The following ITGB3BP variants were observed in gnomAD, a reference collection of about 807,000 sequenced individuals.
ITGB3BP encodes the protein integrin subunit beta 3 binding protein.
ITGB3BP carries 27 observed loss-of-function variants against 29.1 expected under a neutral mutation model. The observed-to-expected ratio is 0.93, with a 90% CI of 0.68 to 1.28. ITGB3BP has a LOEUF of 1.28. ITGB3BP is among the 50% of genes most tolerant of loss of function. ITGB3BP has a pLI of 0.00. For missense variants in ITGB3BP, 192 were observed against 200.2 expected (o/e 0.96, Z 0.25); for synonymous variants, 61 against 61.4 (o/e 0.99, Z 0.03).
In ITGB3BP at chr1:63,504,983, G is replaced by T. The variant is rs1646038335; in HGVS notation, c.48+3545C>A. On this transcript the variant is annotated intron_variant, in intron 2 of 8. Transcript: ENST00000271002. ...TGGTCTAAAATTCTCTTTTTTTGCT[G>T]TGTCTCTGCCAGGCTTTGGTATCAG... 2.0e-5 allele frequency among the ~76,000 whole-genome samples: 3 copies of T among 152,060 alleles called. No homozygotes were observed. The South Asian group carries it at 6.2e-4, about 31-fold the overall frequency.
chr1:63,469,281 A>G (rs1570170711), intron 4 of ITGB3BP, among the ~76,000 whole-genome samples: 1 of 152,018 alleles, frequency 6.6e-6, no homozygotes, highest in Non-Finnish European at 1.5e-5. Context: ...TAAGATGAAG[A>G]TATCTCCTTT....
chr1:63,453,687 A>T (rs1644892061), intron 7 of ITGB3BP: 1 of 345,072 alleles, frequency 2.9e-6, no homozygotes, highest in South Asian at 8.2e-5. Context: ...TTCAAAAGAC[A>T]TTTAAAAAGT....
At chr1:63,493,747 A>G (rs1194258568) in intron 2 of ITGB3BP, among the ~76,000 whole-genome samples, 2 of 152,180 alleles carry the variant, frequency 1.3e-5, no homozygotes, top group East Asian at 1.9e-4. Flanking sequence ...TAAAGCATAC[A>G]CTACCAAAAA....
chr1:63,515,645 G>A (rs1646299172), intron 1 of ITGB3BP, among the ~76,000 whole-genome samples: 1 of 151,650 alleles, frequency 6.6e-6, no homozygotes. Context: ...GATCAATATG[G>A]TGAAACCCCA....
chr1:63,513,286 A>G (rs761613310), intron 1 of ITGB3BP, among the ~76,000 whole-genome samples: 1 of 152,178 alleles, frequency 6.6e-6, no homozygotes, highest in Non-Finnish European at 1.5e-5. Flanking sequence ...ACAGTGTCAC[A>G]GATTTTTATG....
intron 2 of ITGB3BP, among the ~76,000 whole-genome samples, chr1:63,507,757 G>T (rs947753178): frequency 2.6e-5 from 4 of 152,114 alleles, no homozygotes; most frequent in Admixed American, 2.6e-4. Context: ...GTCTTCCAAA[G>T]AAAAATTCCA....
intron 4 of ITGB3BP, among the ~76,000 whole-genome samples, chr1:63,472,443 T>TCCCTCTC (rs139724962): frequency 0.026 from 2,331 of 90,136 alleles, 143 homozygotes; most frequent in African/African-American, 0.1. Flanking sequence ...CCTCTCCCTC[T>TCCCTCTC]CCCTCTCCCC....
chr1:63,522,929 C>T, intron 1 of ITGB3BP, 200 bp downstream of exon 1: 1 of 763,292 alleles, frequency 1.3e-6, no homozygotes, highest in South Asian at 1.4e-5. Flanking sequence ...AAACAGAAAG[C>T]GAAGGAGGAC....
intron 4 of ITGB3BP, among the ~76,000 whole-genome samples, chr1:63,459,050 C>T (rs1644975675): frequency 1.3e-5 from 2 of 151,892 alleles, no homozygotes; most frequent in South Asian, 2.1e-4. Context: ...GTTTTCATTG[C>T]TCCTAGTCTA....
intron 2 of ITGB3BP, among the ~76,000 whole-genome samples, chr1:63,500,097 C>CG (rs1336222018): frequency 2.6e-5 from 4 of 151,960 alleles, no homozygotes; most frequent in Non-Finnish European, 4.4e-5. Flanking sequence ...CTAAGTAGGG[C>CG]GGGGGGGCTG....
chr1:63,441,993 G>A (rs577161288), intron 8 of ITGB3BP, among the ~76,000 whole-genome samples: 2 of 152,300 alleles, frequency 1.3e-5, no homozygotes, highest in African/African-American at 4.8e-5. Context: ...CTAGGCCAAG[G>A]CAGAGGGACT....
At chr1:63,444,988 G>T (rs989801671) in intron 8 of ITGB3BP, among the ~76,000 whole-genome samples, 1 of 152,118 alleles carries the variant, frequency 6.6e-6, no homozygotes, top group Admixed American at 6.6e-5. Flanking sequence ...CTGGCACATA[G>T]AAATTACTCA....
chr1:63,526,462 A>G (rs1646591226), upstream of ITGB3BP, among the ~76,000 whole-genome samples: 1 of 152,194 alleles, frequency 6.6e-6, no homozygotes, highest in Non-Finnish European at 1.5e-5. Flanking sequence ...CAATTTTATA[A>G]TGAATTTTCT....
At chr1:63,474,235 C>T in intron 4 of ITGB3BP, among the ~76,000 whole-genome samples, 2 of 138,510 alleles carry the variant, frequency 1.4e-5, no homozygotes, top group Admixed American at 7.1e-5. Flanking sequence ...GTGAGGAGCC[C>T]CTCTGCCTGG....
chr1:63,449,430 A>G (rs980166040), intron 7 of ITGB3BP: 6 of 152,212 alleles, frequency 3.9e-5, no homozygotes, highest in Non-Finnish European at 1.5e-5. Flanking sequence ...TAAAAAATTT[A>G]AATCATGAAA....
At chr1:63,491,858 GTT>G (rs1162147424) in intron 2 of ITGB3BP, among the ~76,000 whole-genome samples, 1 of 151,948 alleles carries the variant, frequency 6.6e-6, no homozygotes, top group Non-Finnish European at 1.5e-5. Context: ...CAGTGAAAGG[GTT>G]TTAAGTCTCT....
chr1:63,446,588 A>C (rs1456140622), intron 8 of ITGB3BP: 2 of 522,262 alleles, frequency 3.8e-6, no homozygotes, highest in African/African-American at 3.8e-5. Flanking sequence ...TCGTCAGCTC[A>C]ACAGTTCTTT....
chr1:63,449,899 AG>A (rs1417498122), intron 7 of ITGB3BP: 3 of 152,612 alleles, frequency 2.0e-5, no homozygotes, highest in Non-Finnish European at 4.4e-5. Flanking sequence ...GAAATTATTC[AG>A]CTGATATGAT....
intron 4 of ITGB3BP, among the ~76,000 whole-genome samples, chr1:63,472,065 T>TC (rs1645207646): frequency 1.3e-5 from 2 of 151,930 alleles, no homozygotes; most frequent in East Asian, 3.9e-4. Flanking sequence ...CCTTTTTTTT[T>TC]TTTTTTAAAT....
Sources: gnomAD v4.1 joint callset for allele counts (sites outside exome capture counted in the v4.1 genomes callset) on GRCh38, gnomAD v4.1.1 for gene constraint, MANE v1.5 for transcripts, NCBI Gene and HGNC (gene_info 2026-07-23, HGNC 2026-07-21) for gene names.